Variants in SCLT1 observed in about 807,000 individuals in gnomAD.
SCLT1 encodes the protein sodium channel and clathrin linker 1.
SCLT1 carries 78 observed loss-of-function variants against 112.8 expected under a neutral mutation model. That is an observed-to-expected ratio of 0.69 (90% CI 0.58 to 0.83). The LOEUF is 0.83. Among genes scored for constraint, SCLT1 ranks in the 40% least tolerant of loss-of-function variants. The probability of loss-of-function intolerance (pLI) is 0.00; values close to 1 mark genes in which losing one functional copy is unlikely to be tolerated. For missense variants in SCLT1, 747 were observed against 770.4 expected (o/e 0.97, Z 0.36); for synonymous variants, 257 against 254.7 (o/e 1.01, Z -0.09).
intron 18 of SCLT1, among the ~76,000 whole-genome samples, chr4:128,922,478 GA>G (rs1458334381): frequency 6.6e-6 from 1 of 152,118 alleles, no homozygotes; most frequent in African/African-American, 2.4e-5. Flanking sequence ...CCATAAAAAA[GA>G]ATGAGATTAT....
At chr4:128,945,299 C>T (rs913528641) in intron 16 of SCLT1, among the ~76,000 whole-genome samples, 25 of 152,112 alleles carry the variant, frequency 1.6e-4, no homozygotes, top group Non-Finnish European at 3.2e-4. Flanking sequence ...TGTGATACGT[C>T]TCTTAGTACA....
chr4:129,068,639 A>G (rs1750708105), intron 2 of SCLT1, among the ~76,000 whole-genome samples: 2 of 151,910 alleles, frequency 1.3e-5, no homozygotes, highest in South Asian at 4.2e-4. Context: ...TTTCTTGCCC[A>G]TTTGTTTGAG....
chr4:128,952,261 T>C, intron 14 of SCLT1: 1 of 437,374 alleles, frequency 2.3e-6, no homozygotes, highest in South Asian at 1.7e-5. Context: ...TGAAAATTGT[T>C]ATACTTTTAT....
chr4:129,001,183 G>A (rs562569710), intron 6 of SCLT1, among the ~76,000 whole-genome samples: 16 of 151,956 alleles, frequency 1.1e-4, no homozygotes, highest in South Asian at 8.3e-4. Context: ...CCTGTCTGAC[G>A]ACAAAAATCA....
chr4:128,957,549 C>T (rs992353545), intron 12 of SCLT1, among the ~76,000 whole-genome samples: 30 of 152,030 alleles, frequency 2.0e-4, no homozygotes, highest in Admixed American at 9.8e-4. Flanking sequence ...TCATTGCAGA[C>T]ACTACTTGTT....
At chr4:128,960,896 C>T (rs1218474447) in intron 11 of SCLT1, among the ~76,000 whole-genome samples, 5 of 122,880 alleles carry the variant, frequency 4.1e-5, no homozygotes, top group East Asian at 5.2e-4. Context: ...GTCCGCAGTC[C>T]GGCCTGGGCG....
intron 18 of SCLT1, among the ~76,000 whole-genome samples, chr4:128,918,354 G>A (rs1408506202): frequency 6.6e-6 from 1 of 152,132 alleles, no homozygotes; most frequent in Non-Finnish European, 1.5e-5. Context: ...TGAACTGATA[G>A]AGCAGGAAAA....
intron 5 of SCLT1, among the ~76,000 whole-genome samples, chr4:129,007,109 C>T (rs572809198): frequency 6.2e-4 from 95 of 152,176 alleles, no homozygotes; most frequent in African/African-American, 2.2e-3. Flanking sequence ...CATCAAAGAA[C>T]ATAATCTGAA....
intron 18 of SCLT1, among the ~76,000 whole-genome samples, chr4:128,929,026 T>C (rs1380295029): frequency 3.3e-5 from 5 of 152,148 alleles, no homozygotes; most frequent in African/African-American, 1.2e-4. Flanking sequence ...GTGCATTGCA[T>C]TGGAAGTCCT....
At chr4:129,026,438 T>A (rs1368762999) in intron 5 of SCLT1, among the ~76,000 whole-genome samples, 1 of 151,882 alleles carries the variant, frequency 6.6e-6, no homozygotes, top group Admixed American at 6.6e-5. Context: ...AACAACCTGC[T>A]CCTGAATGAC....
chr4:129,077,707 T>C (rs567418355), intron 2 of SCLT1, among the ~76,000 whole-genome samples: 2 of 152,302 alleles, frequency 1.3e-5, no homozygotes, highest in African/African-American at 4.8e-5. Flanking sequence ...TGATAAGATA[T>C]ATGAGCTAGC....
chr4:129,007,297 GT>G (rs202245618), intron 5 of SCLT1, among the ~76,000 whole-genome samples: 2 of 149,792 alleles, frequency 1.3e-5, no homozygotes, highest in Admixed American at 6.7e-5. Context: ...TTAACTTACT[GT>G]TTTTTTTTCT....
intron 9 of SCLT1, among the ~76,000 whole-genome samples, chr4:128,975,056 T>TTTTTTTTTTTTTTTTTTTTTTTTTTTTG (rs1741036392): frequency 7.1e-6 from 1 of 140,522 alleles, no homozygotes; most frequent in Non-Finnish European, 1.5e-5. Context: ...TTTTTTTTTT[T>TTTTTTTTTTTTTTTTTTTTTTTTTTTTG]GAGATGGAGT....
chr4:128,982,211 G>C (rs1560924568), intron 9 of SCLT1, among the ~76,000 whole-genome samples: 1 of 152,132 alleles, frequency 6.6e-6, no homozygotes, highest in Non-Finnish European at 1.5e-5. Context: ...GAGCCATGTG[G>C]GTAGAGATAA....
At chr4:128,897,353 A>G (rs1733855324) in intron 18 of SCLT1, among the ~76,000 whole-genome samples, 1 of 152,096 alleles carries the variant, frequency 6.6e-6, no homozygotes, top group South Asian at 2.1e-4. Flanking sequence ...GCCAGAAGAG[A>G]GTGGGGGCCA....
At chr4:129,046,074 A>C (rs1748149663) in intron 2 of SCLT1, among the ~76,000 whole-genome samples, 2 of 152,152 alleles carry the variant, frequency 1.3e-5, no homozygotes, top group Non-Finnish European at 2.9e-5. Context: ...ACACATACAG[A>C]AGACAGTACA....
At chr4:128,885,651 G>T (rs1171783290) in intron 20 of SCLT1, among the ~76,000 whole-genome samples, 1 of 152,102 alleles carries the variant, frequency 6.6e-6, no homozygotes, top group African/African-American at 2.4e-5. Flanking sequence ...TTATATGTTT[G>T]CTTCCTGGCA....
At chr4:128,952,911 A>C in intron 13 of SCLT1, 71 bp from the exon 14 acceptor site, 2 of 788,188 alleles carry the variant, frequency 2.5e-6, no homozygotes, top group East Asian at 2.5e-5. Context: ...AAAAACACTC[A>C]GGATAATAAT....
intron 5 of SCLT1, among the ~76,000 whole-genome samples, chr4:129,022,679 C>G (rs1332544227): frequency 1.3e-5 from 2 of 152,150 alleles, no homozygotes; most frequent in African/African-American, 4.8e-5. Flanking sequence ...ACTGGGGAAC[C>G]TGAAAGTGAC....
Sources: allele counts gnomAD v4.1 joint callset (sites outside exome capture counted in the v4.1 genomes callset), GRCh38; gene constraint gnomAD v4.1.1; transcripts MANE v1.5; gene names NCBI Gene and HGNC (gene_info 2026-07-23, HGNC 2026-07-21).